CLIP1: variants seen among roughly 807,000 people sequenced by gnomAD.
The protein encoded by CLIP1 is CAP-Gly domain-containing linker protein 1.
CLIP1 carries 66 observed loss-of-function variants against 161.6 expected under a neutral mutation model. The observed-to-expected ratio is 0.41, with a 90% CI of 0.33 to 0.50. The LOEUF (loss-of-function observed/expected upper bound fraction) is 0.50. Among genes scored for constraint, CLIP1 ranks in the 20% least tolerant of loss-of-function variants. CLIP1 has a pLI of 0.27. For synonymous variants in CLIP1, 598 were observed against 626.2 expected (o/e 0.96, Z 0.67); for missense variants, 1,376 against 1,702.0 (o/e 0.81, Z 3.37).
intron 9 of CLIP1, among the ~76,000 whole-genome samples, chr12:122,349,073 T>C (rs1359687463): frequency 6.6e-6 from 1 of 152,208 alleles, no homozygotes; most frequent in African/African-American, 2.4e-5. Context: ...GCCCTAACTG[T>C]CTGGATAATC....
chr12:122,344,584 A>G (rs887108693), intron 10 of CLIP1, among the ~76,000 whole-genome samples: 6 of 152,254 alleles, frequency 3.9e-5, no homozygotes, highest in African/African-American at 1.4e-4. Flanking sequence ...AGTAAAAATA[A>G]TAAATACCAA....
intron 5 of CLIP1, among the ~76,000 whole-genome samples, chr12:122,358,575 T>TCCATC (rs1162573046): frequency 6.6e-6 from 1 of 152,196 alleles, no homozygotes; most frequent in Admixed American, 6.5e-5. Context: ...TTAGCTATTT[T>TCCATC]ACCTTCAGTG....
rs1435535998 is a variant in CLIP1 at position 122,390,191 on chromosome 12, AT to A, written c.-106-9634del. ...GTCTCAGATATATATATATATATAT[AT>A]ATATAATATATATATACACACATAT... On this transcript the variant is annotated intron_variant, in intron 1 of 25. Coordinates refer to ENST00000620786, the MANE Select transcript of CLIP1 (RefSeq NM_001247997.2). Among the ~76,000 whole-genome samples, 239 of 135,514 alleles carry A rather than the reference AT, an allele frequency of 1.8e-3. 1 individual carries two copies. Among genetic ancestry groups the A allele is most frequent in the African/African-American group, 6.4e-3 (234 of 36,448 alleles). The allele number at this position is 135,514 out of a possible 152,430, so 88.9% of individuals were successfully genotyped here. A position where few individuals can be genotyped will look rare whatever the true frequency, so the allele number is the denominator to read the frequency against.
intron 24 of CLIP1, chr12:122,274,380 G>A (rs1955306767): frequency 2.2e-6 from 1 of 464,260 alleles, no homozygotes; most frequent in South Asian, 2.5e-5. Flanking sequence ...ATGTCTAGGT[G>A]GTAAGGCTAT....
rs575786240 is a variant in CLIP1 at position 122,356,677 on chromosome 12, T to C, written c.1006-1365A>G. On this transcript the variant is annotated intron_variant, in intron 5 of 25. Transcript: ENST00000620786. ...TCTCCCTCTCTTTCCATGGTCTCCC[T>C]CTGATGCCGAGCCGAAGCTGGACTG... Among the ~76,000 whole-genome samples the C allele has an allele frequency of 2.1e-3, 315 of 152,180 alleles. 2 individuals are homozygous for C. The highest frequency in any genetic ancestry group is 3.7e-3 in the Admixed American group (56 of 15,284).
intron 20 of CLIP1, among the ~76,000 whole-genome samples, chr12:122,302,440 G>A (rs113062264): frequency 1.3e-5 from 2 of 151,972 alleles, no homozygotes; most frequent in Non-Finnish European, 2.9e-5. Context: ...TAATCACCAG[G>A]GTATTTTTTT....
In CLIP1 at chr12:122,274,283, C is replaced by T. The variant is rs556739487; in HGVS notation, c.3967-121G>A. On this transcript the variant is annotated intron_variant, in intron 24 of 25. Coordinates refer to ENST00000620786, the MANE Select transcript of CLIP1 (RefSeq NM_001247997.2). ...CAAAGTGTGCAGAAGGGGCCAACAG[C>T]GGCTATTAGGAACCCATGCTTTTCA... is the stretch of plus-strand genomic sequence containing the variant. The T allele has an allele frequency of 1.1e-5, 8 of 727,784 alleles. No individual in the cohort carries two copies. In the Admixed American group the frequency reaches 1.2e-4, roughly 11 times the overall value. The allele number at this position is 727,784 out of a possible 1,614,324, so 45.1% of individuals were successfully genotyped here. A position where few individuals can be genotyped will look rare whatever the true frequency, so the allele number is the denominator to read the frequency against.
At chr12:122,404,433 T>C (rs1321915195) in intron 1 of CLIP1, among the ~76,000 whole-genome samples, 1 of 151,852 alleles carries the variant, frequency 6.6e-6, no homozygotes, top group African/African-American at 2.4e-5. Flanking sequence ...AACCTGTCTC[T>C]ACTAAAAATA....
intron 10 of CLIP1, chr12:122,342,885 T>C (rs1273797722): frequency 6.6e-6 from 1 of 151,230 alleles, no homozygotes; most frequent in Non-Finnish European, 1.5e-5. Flanking sequence ...ATCTTAATAA[T>C]TTTATTTTGA....
At chr12:122,345,947 G>A (rs925364488) in intron 10 of CLIP1, among the ~76,000 whole-genome samples, 15 of 151,858 alleles carry the variant, frequency 9.9e-5, no homozygotes, top group Non-Finnish European at 1.5e-4. Flanking sequence ...CACCACGCCC[G>A]GATAATTTTA....
intron 20 of CLIP1, among the ~76,000 whole-genome samples, chr12:122,302,470 G>C (rs777770715): frequency 6.6e-6 from 1 of 152,036 alleles, no homozygotes; most frequent in Non-Finnish European, 1.5e-5. Context: ...TATTATTTTG[G>C]ACCAATTTTT....
rs1232473017 is a variant in CLIP1, at chr12:122,341,415, T to C, written c.1789A>G (p.Lys597Glu). The change falls in exon 11 of 26, where the codon AAG becomes GAG. Residue 597 changes from lysine to glutamate, a missense_variant. By Grantham distance (56) the Lys-to-Glu change is moderately conservative (BLOSUM62 1). Around this residue, in one of 6 missense-constraint regions of CLIP1, gnomAD observed 948 missense variants for 1,134.8 expected, o/e 0.84. Transcript: ENST00000620786. ...EIKALYTATEKLSKENESLKS... is the reference protein window; with the variant it reads ...EIKALYTATEELSKENESLKS... ...AATGACTCGTTCTCTTTGGAAAGCT[T>C]TTCCGTGGCGGTATACAGAGCCTTT... The C allele has an allele frequency of 6.2e-7, 1 of 1,614,176 alleles. No individual in the cohort carries two copies. Among genetic ancestry groups the C allele is most frequent in the South Asian group, 1.1e-5 (1 of 91,084 alleles).
intron 1 of CLIP1, among the ~76,000 whole-genome samples, chr12:122,402,297 G>C (rs1160813187): frequency 6.6e-6 from 1 of 152,172 alleles, no homozygotes; most frequent in Non-Finnish European, 1.5e-5. Flanking sequence ...AGACAAGCCT[G>C]AGCAACATAG....
intron 5 of CLIP1, among the ~76,000 whole-genome samples, chr12:122,356,874 G>C (rs1953406493): frequency 6.6e-6 from 1 of 152,254 alleles, no homozygotes; most frequent in Non-Finnish European, 1.5e-5. Context: ...TCCTAACTGC[G>C]AGTGATCCGC....
intron 17 of CLIP1, among the ~76,000 whole-genome samples, chr12:122,326,996 G>A (rs1256014954): frequency 6.6e-6 from 1 of 152,110 alleles, no homozygotes; most frequent in Admixed American, 6.5e-5. Context: ...CATGAGATTG[G>A]TTTCAAGTCC....
At chr12:122,392,801 G>A (rs749342095) in intron 1 of CLIP1, among the ~76,000 whole-genome samples, 4 of 151,622 alleles carry the variant, frequency 2.6e-5, no homozygotes, top group African/African-American at 9.7e-5. Flanking sequence ...TTTTTTTTGA[G>A]ACAGGGTTTC....
In CLIP1 at chr12:122,319,171, C is replaced by A. The variant is rs866632683; in HGVS notation, c.3366+61G>T. The A allele has an allele frequency of 6.2e-5, 73 of 1,181,314 alleles. 3 individuals carry two copies. The Middle Eastern group carries it at 2.2e-3, about 35-fold the overall frequency. The allele number at this position is 1,181,314 out of a possible 1,614,324, so 73.2% of individuals were successfully genotyped here. A position where few individuals can be genotyped will look rare whatever the true frequency, so the allele number is the denominator to read the frequency against. The stretch of plus-strand genomic sequence containing the variant: ...ACATAAGCAATCCTGAGTCAGTGAC[C>A]AAACATTCTACCAAGTTGGTAAGCT... On this transcript the variant is annotated intron_variant, in intron 18 of 25. Transcript: ENST00000620786.
At chr12:122,415,398 C>T (rs1212346938) in intron 1 of CLIP1, among the ~76,000 whole-genome samples, 4 of 150,036 alleles carry the variant, frequency 2.7e-5, no homozygotes, top group Admixed American at 1.3e-4. Flanking sequence ...AGGAGAATGC[C>T]GTGAACCTGG....
intron 14 of CLIP1, 44 bp from the exon 15 acceptor site, chr12:122,333,187 C>A: frequency 1.4e-6 from 2 of 1,428,908 alleles, no homozygotes; most frequent in South Asian, 2.5e-5. Flanking sequence ...TGTGTTATAT[C>A]AACAAAAACT....
Sources: gnomAD v4.1 joint callset for allele counts (sites outside exome capture counted in the v4.1 genomes callset) on GRCh38, gnomAD v4.1.1 for gene constraint, gnomAD v4.1.1 regional missense constraint, MANE v1.5 for transcripts, NCBI Gene and HGNC (gene_info 2026-07-23, HGNC 2026-07-21) for gene names.